The following HYCC1 variants were observed in gnomAD, a reference collection of about 807,000 sequenced individuals.
The protein encoded by HYCC1 is hyccin.
chr7:22,976,780 G>A, the HYCC1 span: 1 of 1,612,980 alleles, frequency 6.2e-7, no homozygotes, highest in Admixed American at 1.7e-5. Context: ...TGCACTCTCA[G>A]TCAGAGCCAT....
the HYCC1 span, among the ~76,000 whole-genome samples, chr7:22,954,328 C>T: frequency 1.3e-5 from 2 of 151,044 alleles, no homozygotes; most frequent in South Asian, 2.1e-4. Flanking sequence ...TGTTATTATA[C>T]AGCAGAAATT....
At chr7:22,924,552 G>A in the HYCC1 span, among the ~76,000 whole-genome samples, 2 of 152,210 alleles carry the variant, frequency 1.3e-5, no homozygotes, top group African/African-American at 2.4e-5. Flanking sequence ...ACATGGCTCC[G>A]AGGGTCCTAC....
At chr7:22,909,488 A>G in the HYCC1 span, among the ~76,000 whole-genome samples, 1 of 152,168 alleles carries the variant, frequency 6.6e-6, no homozygotes, top group Non-Finnish European at 1.5e-5. Context: ...GAATGGCCTA[A>G]CACACCACTC....
At chr7:22,947,123 A>T in the HYCC1 span, 1 of 1,550,406 alleles carries the variant, frequency 6.4e-7, no homozygotes, top group Non-Finnish European at 8.7e-7. Flanking sequence ...GCTGAGCATC[A>T]ATCTCTCCTA....
At chr7:22,923,660 ATAAGAT>A in the HYCC1 span, among the ~76,000 whole-genome samples, 5 of 152,208 alleles carry the variant, frequency 3.3e-5, no homozygotes, top group East Asian at 9.6e-4. Flanking sequence ...GCTAGACTGA[ATAAGAT>A]TAAGACAAGA....
the HYCC1 span, among the ~76,000 whole-genome samples, chr7:22,920,989 C>T: frequency 6.6e-6 from 1 of 152,182 alleles, no homozygotes; most frequent in Non-Finnish European, 1.5e-5. Context: ...GCACTAGCTC[C>T]CTGTTTCCCT....
chr7:23,003,372 G>A, the HYCC1 span, among the ~76,000 whole-genome samples: 4 of 152,012 alleles, frequency 2.6e-5, no homozygotes, highest in Admixed American at 6.6e-5. Flanking sequence ...CAGCAGAAAT[G>A]AGTGTGCCTT....
At chr7:22,988,834 T>C in the HYCC1 span, among the ~76,000 whole-genome samples, 11 of 152,196 alleles carry the variant, frequency 7.2e-5, no homozygotes, top group Non-Finnish European at 1.6e-4. Flanking sequence ...AATCTACCAA[T>C]GTAACTACTC....
chr7:22,945,767 G>A, the HYCC1 span: 1 of 1,613,714 alleles, frequency 6.2e-7, no homozygotes, highest in African/African-American at 1.3e-5. Context: ...CGGGTTATGT[G>A]GGACTGTGAC....
the HYCC1 span, among the ~76,000 whole-genome samples, chr7:23,002,150 A>ATATATATATATATACACAAT: frequency 2.5e-4 from 7 of 27,486 alleles, no homozygotes; most frequent in African/African-American, 1.1e-3. Context: ...ATATATATAT[A>ATATATATATATATACACAAT]TATATATATA....
At chr7:22,940,121 G>A in the HYCC1 span, 1 of 150,542 alleles carries the variant, frequency 6.6e-6, no homozygotes, top group Non-Finnish European at 1.5e-5. Context: ...TCTAAGAGTA[G>A]TTAAGAACAC....
the HYCC1 span, among the ~76,000 whole-genome samples, chr7:22,933,952 T>C: frequency 3.3e-5 from 5 of 152,160 alleles, no homozygotes; most frequent in African/African-American, 1.2e-4. Context: ...GATAGAGTGG[T>C]GGCAGGCAGA....
At chr7:22,948,325 C>T in the HYCC1 span, among the ~76,000 whole-genome samples, 1 of 152,036 alleles carries the variant, frequency 6.6e-6, no homozygotes, top group Non-Finnish European at 1.5e-5. Context: ...ACTAATGATG[C>T]TAAAGGCTGA....
At chr7:22,995,546 A>G in the HYCC1 span, among the ~76,000 whole-genome samples, 2 of 152,192 alleles carry the variant, frequency 1.3e-5, no homozygotes, top group African/African-American at 4.8e-5. Context: ...CCAACCTGAA[A>G]GAACACCCAA....
At chr7:22,933,757 C>A in the HYCC1 span, among the ~76,000 whole-genome samples, 1 of 152,314 alleles carries the variant, frequency 6.6e-6, no homozygotes, top group South Asian at 2.1e-4. Context: ...CATCTTTACT[C>A]ATTAATCAAA....
At chr7:22,955,712 A>G in the HYCC1 span, among the ~76,000 whole-genome samples, 2 of 151,628 alleles carry the variant, frequency 1.3e-5, no homozygotes, top group African/African-American at 4.8e-5. Flanking sequence ...GCTCTAGAAA[A>G]GGAGGAAGGA....
chr7:22,945,271 T>C, the HYCC1 span: 8 of 395,492 alleles, frequency 2.0e-5, no homozygotes, highest in Non-Finnish European at 9.3e-6. Flanking sequence ...CAACCTCACA[T>C]GAGACATAAC....
chr7:22,979,146 T>C, the HYCC1 span, among the ~76,000 whole-genome samples: 2 of 152,126 alleles, frequency 1.3e-5, no homozygotes, highest in South Asian at 4.1e-4. Context: ...GGCAACAAAT[T>C]TAAATATACT....
At chr7:23,004,964 C>G in the HYCC1 span, among the ~76,000 whole-genome samples, 1 of 152,086 alleles carries the variant, frequency 6.6e-6, no homozygotes, top group Non-Finnish European at 1.5e-5. Context: ...TGCCACCATG[C>G]CCGGCTAATT....
Sources: gnomAD v4.1 joint callset for allele counts (sites outside exome capture counted in the v4.1 genomes callset) on GRCh38, gnomAD v4.1.1 for gene constraint, MANE v1.5 for transcripts, NCBI Gene and HGNC (gene_info 2026-07-23, HGNC 2026-07-21) for gene names.